The following BCKDHB variants were observed in gnomAD, a reference collection of about 807,000 sequenced individuals.
BCKDHB encodes the protein branched chain keto acid dehydrogenase E1 subunit beta, also known as 2-oxoisovalerate dehydrogenase subunit beta, mitochondrial.
Under a neutral mutation model 48.5 loss-of-function variants are expected in BCKDHB, and 41 were observed. The observed-to-expected ratio is 0.85, with a 90% CI of 0.66 to 1.10. BCKDHB has a LOEUF of 1.10. BCKDHB is among the 50% of genes least tolerant of loss of function. BCKDHB has a pLI of 0.00. For synonymous variants in BCKDHB, 201 were observed against 174.8 expected, an observed-to-expected ratio of 1.15 and a Z score of -1.18; for missense variants, 496 against 494.2, an observed-to-expected ratio of 1.00 and a Z score of -0.03.
At chr6:80,275,491 T>C (rs1226827130) in intron 9 of BCKDHB, among the ~76,000 whole-genome samples, 1 of 152,090 alleles carries the variant, frequency 6.6e-6, no homozygotes, top group African/African-American at 2.4e-5. Flanking sequence ...AGTTTGGATT[T>C]ATTAATATGA....
At chr6:80,209,232 C>G (rs924238770) in intron 8 of BCKDHB, among the ~76,000 whole-genome samples, 4 of 151,864 alleles carry the variant, frequency 2.6e-5, no homozygotes, top group African/African-American at 9.7e-5. Flanking sequence ...ATTTTGACAG[C>G]TTTCCTCTTG....
chr6:80,223,249 T>C (rs1001494739), intron 8 of BCKDHB, among the ~76,000 whole-genome samples: 3 of 152,160 alleles, frequency 2.0e-5, no homozygotes, highest in Non-Finnish European at 4.4e-5. Context: ...TACAATATTA[T>C]TGCTTAAGGT....
chr6:80,410,521 C>A, the BCKDHB span, among the ~76,000 whole-genome samples: 1 of 152,080 alleles, frequency 6.6e-6, no homozygotes, highest in Non-Finnish European at 1.5e-5. Context: ...TTCTGCTGTA[C>A]AATATACTGA....
chr6:80,368,937 C>T, the BCKDHB span, among the ~76,000 whole-genome samples: 579 of 151,208 alleles, frequency 3.8e-3, 6 homozygotes, highest in African/African-American at 0.013. Flanking sequence ...CATTTGAACC[C>T]GAAAGGCAGA....
chr6:80,401,846 C>G, the BCKDHB span, among the ~76,000 whole-genome samples: 2 of 151,768 alleles, frequency 1.3e-5, no homozygotes, highest in Admixed American at 1.3e-4. Flanking sequence ...TTTTCTATGT[C>G]TGGCTTATTT....
At chr6:80,266,079 C>T (rs2127956028) in intron 8 of BCKDHB, among the ~76,000 whole-genome samples, 1 of 152,180 alleles carries the variant, frequency 6.6e-6, no homozygotes, top group South Asian at 2.1e-4. Flanking sequence ...AGATGCAGCA[C>T]CCTGATTGTG....
Position 80,106,793 on chromosome 6 carries a change from G to A in BCKDHB, c.100G>A (p.Gly34Ser), listed in dbSNP as rs1216504411. ...RRLPGAGLAR[G>S]FLHPAATVED... The stretch of plus-strand genomic sequence containing the variant: ...GCTTCCTGGCGCGGGGCTGGCGCGG[G>A]GCTTTTTGCACCCCGCCGCGACTGT... Residue 34 changes from glycine to serine, a missense_variant, in exon 1 of 10, where the codon GGC becomes AGC. Physicochemically the swap from Gly to Ser is moderately conservative, Grantham distance 56 (BLOSUM62 0). Coordinates refer to ENST00000320393, the MANE Select transcript of BCKDHB (RefSeq NM_183050.4). 8.7e-6 allele frequency: 14 copies of A among 1,601,514 alleles called. No individual in the cohort carries two copies. In the Admixed American group the frequency reaches 1.9e-4, roughly 21 times the overall value.
chr6:80,171,200 T>C lies in BCKDHB; in HGVS notation c.634-82T>C, dbSNP rs1772895951. ...ATTTTTAATTAGTAACAATTGATTA[T>C]TTAAATATCAGCCCTTCTTAGCAGC... On this transcript the variant is annotated intron_variant, in intron 5 of 9. Coordinates refer to ENST00000320393, the MANE Select transcript of BCKDHB (RefSeq NM_183050.4). The C allele has an allele frequency of 3.9e-6, 3 of 763,378 alleles. No individual in the cohort carries two copies. The East Asian group carries it at 8.0e-5, about 20-fold the overall frequency. 47.3% of individuals were successfully genotyped at this position (763,378 alleles called of 1,614,324 possible). A position where few individuals can be genotyped will look rare whatever the true frequency, so the allele number is the denominator to read the frequency against.
intron 9 of BCKDHB, among the ~76,000 whole-genome samples, chr6:80,324,779 CA>C (rs1432073807): frequency 3.9e-5 from 6 of 152,178 alleles, no homozygotes; most frequent in Admixed American, 3.9e-4. Flanking sequence ...CAGAGCATCT[CA>C]AAGTTGACTT....
In BCKDHB at chr6:80,106,710, C is replaced by A. The variant is rs534975518; in HGVS notation, c.17C>A (p.Ala6Glu). 6.4e-7 allele frequency: 1 copy of A among 1,551,510 alleles called. No individual in the cohort carries two copies. Among genetic ancestry groups the A allele is most frequent in the Non-Finnish European group, 8.7e-7 (1 of 1,148,258 alleles). Reference sequence around the variant, plus strand: ...TGAGCGGGGATGGCGGTTGTAGCGGCGGCTGCCGGCTGGCTACTCAGGCTC... The same window carrying A: ...TGAGCGGGGATGGCGGTTGTAGCGGAGGCTGCCGGCTGGCTACTCAGGCTC... MAVVA[A>E]AAGWLLRLRA... The change falls in exon 1 of 10, where the codon GCG (alanine) becomes GAG (glutamate). Residue 6 changes from alanine to glutamate, a missense_variant. Ala to Glu is a moderately radical substitution (Grantham distance 107). Transcript: ENST00000320393.
At chr6:80,374,420 A>G in the BCKDHB span, 3 of 775,840 alleles carry the variant, frequency 3.9e-6, no homozygotes, top group Admixed American at 5.2e-5. Flanking sequence ...GTAAAGTGAC[A>G]TCTTTCAGAT....
At chr6:80,409,480 G>T in the BCKDHB span, among the ~76,000 whole-genome samples, 1 of 149,460 alleles carries the variant, frequency 6.7e-6, no homozygotes, top group African/African-American at 2.5e-5. Context: ...ACAGTGGGGT[G>T]TTGAAGTCTC....
chr6:80,199,453 C>T (rs930173943), intron 6 of BCKDHB, among the ~76,000 whole-genome samples: 2 of 151,918 alleles, frequency 1.3e-5, no homozygotes, highest in Non-Finnish European at 2.9e-5. Context: ...CAGTTTTTTC[C>T]AGCATTTCCA....
the BCKDHB span, among the ~76,000 whole-genome samples, chr6:80,464,321 G>A: frequency 1.3e-5 from 2 of 151,882 alleles, no homozygotes; most frequent in African/African-American, 4.8e-5. Context: ...TAGAGATGGG[G>A]TTTCACCATA....
At chr6:80,441,007 A>T in the BCKDHB span, 1 of 152,182 alleles carries the variant, frequency 6.6e-6, no homozygotes, top group Non-Finnish European at 1.5e-5. Flanking sequence ...ACACCTGTTC[A>T]TCTGACACAC....
At chr6:80,310,083 CTT>C (rs57078654) in intron 9 of BCKDHB, among the ~76,000 whole-genome samples, 3 of 142,628 alleles carry the variant, frequency 2.1e-5, no homozygotes, top group Admixed American at 7.1e-5. Context: ...ACAACATTTT[CTT>C]TTTTTTTTTT....
intron 8 of BCKDHB, among the ~76,000 whole-genome samples, chr6:80,226,825 G>A (rs1775700304): frequency 6.6e-6 from 1 of 152,124 alleles, no homozygotes; most frequent in Admixed American, 6.5e-5. Context: ...GCTGCCTTTT[G>A]TAGGCAGGCC....
At chr6:80,412,829 G>T in the BCKDHB span, among the ~76,000 whole-genome samples, 2 of 152,134 alleles carry the variant, frequency 1.3e-5, no homozygotes, top group African/African-American at 4.8e-5. Flanking sequence ...TCAATTTTTT[G>T]AGTATGTAAT....
chr6:80,134,971 C>T (rs1447027629), intron 3 of BCKDHB, among the ~76,000 whole-genome samples: 3 of 151,962 alleles, frequency 2.0e-5, no homozygotes, highest in Non-Finnish European at 4.4e-5. Context: ...AGGCTGGTCT[C>T]GACCTCCTGA....
Sources: allele counts gnomAD v4.1 joint callset (sites outside exome capture counted in the v4.1 genomes callset), GRCh38; gene constraint gnomAD v4.1.1; transcripts MANE v1.5; gene names NCBI Gene and HGNC (gene_info 2026-07-23, HGNC 2026-07-21).